The following ASTN2 variants were observed in gnomAD, a reference collection of about 807,000 sequenced individuals.
ASTN2 encodes astrotactin 2.
In ASTN2, 54 loss-of-function variants were observed where a neutral mutation model predicts 139.8. The observed-to-expected ratio is 0.39, with a 90% CI of 0.31 to 0.48. The LOEUF (loss-of-function observed/expected upper bound fraction) is 0.48. Among genes scored for constraint, ASTN2 ranks in the 20% least tolerant of loss-of-function variants. ASTN2 has a pLI of 0.95. For synonymous variants in ASTN2, 756 were observed against 719.5 expected (o/e 1.05, Z -0.81); for missense variants, 1,565 against 1,725.1 (o/e 0.91, Z 1.64).
chr9:116,932,046 G>C (rs961964426), intron 10 of ASTN2, among the ~76,000 whole-genome samples: 1 of 152,122 alleles, frequency 6.6e-6, no homozygotes, highest in African/African-American at 2.4e-5. Context: ...GTAGTAGAGT[G>C]TGAGTTTGAA....
At chr9:117,283,764 A>C (rs1408978988) in intron 2 of ASTN2, among the ~76,000 whole-genome samples, 1 of 152,198 alleles carries the variant, frequency 6.6e-6, no homozygotes. Context: ...TGGGAATCAC[A>C]GTCTGTAACA....
At chr9:117,000,875 T>G (rs1198697108) in intron 7 of ASTN2, among the ~76,000 whole-genome samples, 2 of 152,202 alleles carry the variant, frequency 1.3e-5, no homozygotes, top group Non-Finnish European at 2.9e-5. Context: ...ATTTTCAGGC[T>G]ATCAACATGC....
intron 16 of ASTN2, among the ~76,000 whole-genome samples, chr9:116,664,038 T>C (rs2131966779): frequency 6.6e-6 from 1 of 152,252 alleles, no homozygotes; most frequent in South Asian, 2.1e-4. Flanking sequence ...CTTCTGCCCA[T>C]TACATCACAG....
At chr9:116,926,964 AG>A (rs1834771785) in intron 10 of ASTN2, among the ~76,000 whole-genome samples, 1 of 152,236 alleles carries the variant, frequency 6.6e-6, no homozygotes, top group Non-Finnish European at 1.5e-5. Flanking sequence ...CAAAGATAAA[AG>A]CAAGAACAGT....
chr9:116,518,174 T>C (rs1256046905), intron 19 of ASTN2, among the ~76,000 whole-genome samples: 1 of 152,098 alleles, frequency 6.6e-6, no homozygotes, highest in Non-Finnish European at 1.5e-5. Flanking sequence ...GGAAATTCAT[T>C]GCAAAAAGAT....
intron 13 of ASTN2, among the ~76,000 whole-genome samples, chr9:116,742,624 A>G (rs1829123818): frequency 6.6e-6 from 1 of 152,134 alleles, no homozygotes; most frequent in African/African-American, 2.4e-5. Context: ...TCGCTCAACA[A>G]GCCAACAGGA....
chr9:117,264,697 G>T (rs1200329196), intron 2 of ASTN2, among the ~76,000 whole-genome samples: 1 of 152,186 alleles, frequency 6.6e-6, no homozygotes, highest in Non-Finnish European at 1.5e-5. Context: ...TACATCCAAA[G>T]TCAAACACAG....
chr9:116,737,610 C>CGTGTGTGTGTGTGTGT (rs57891581), intron 13 of ASTN2, among the ~76,000 whole-genome samples: 233 of 137,344 alleles, frequency 1.7e-3, no homozygotes, highest in Non-Finnish European at 2.8e-3. Flanking sequence ...CATGTGCCAA[C>CGTGTGTGTGTGTGTGT]GTGTGTGTGT....
intron 13 of ASTN2, among the ~76,000 whole-genome samples, chr9:116,790,971 GAAAGAAAGAAAGAAAGAAAGAAA>G (rs1830522886): frequency 6.1e-5 from 1 of 16,270 alleles, no homozygotes; most frequent in African/African-American, 1.6e-4. Context: ...AAGAAGGAAA[GAAAGAAAGAAAGAAAGAAAGAAA>G]GAAAGAAAGA....
chr9:116,665,207 A>C (rs1333147051), intron 16 of ASTN2, among the ~76,000 whole-genome samples: 1 of 152,112 alleles, frequency 6.6e-6, no homozygotes, highest in Non-Finnish European at 1.5e-5. Flanking sequence ...TTTCCTTATA[A>C]ATTACTCAGT....
intron 19 of ASTN2, among the ~76,000 whole-genome samples, chr9:116,549,989 A>G (rs1332272517): frequency 1.3e-5 from 2 of 152,192 alleles, no homozygotes; most frequent in Non-Finnish European, 2.9e-5. Flanking sequence ...AATGGAACCC[A>G]CAGGCATCTT....
At chr9:117,339,084 C>A (rs1828983178) in intron 1 of ASTN2, among the ~76,000 whole-genome samples, 1 of 152,048 alleles carries the variant, frequency 6.6e-6, no homozygotes, top group African/African-American at 2.4e-5. Flanking sequence ...TCAGGGCAAG[C>A]AGAGGTAATG....
At chr9:116,483,006 C>G (rs1285099814) in intron 20 of ASTN2, among the ~76,000 whole-genome samples, 1 of 152,220 alleles carries the variant, frequency 6.6e-6, no homozygotes. Flanking sequence ...AGGCTAATTA[C>G]CTTGGGTAAT....
At chr9:116,997,492 A>G (rs1447131380) in intron 7 of ASTN2, among the ~76,000 whole-genome samples, 1 of 152,110 alleles carries the variant, frequency 6.6e-6, no homozygotes, top group African/African-American at 2.4e-5. Context: ...TTTCAAGTCA[A>G]CTTATTCAGT....
intron 7 of ASTN2, among the ~76,000 whole-genome samples, chr9:116,994,367 G>A (rs898312142): frequency 6.6e-6 from 1 of 152,168 alleles, no homozygotes; most frequent in Admixed American, 6.5e-5. Flanking sequence ...ATTAGGTAAG[G>A]CAGTGGATCT....
chr9:116,791,729 C>A (rs181991632), intron 13 of ASTN2, among the ~76,000 whole-genome samples: 2 of 152,298 alleles, frequency 1.3e-5, no homozygotes, highest in South Asian at 2.1e-4. Flanking sequence ...GCCTGAGTTA[C>A]GGCCTGCATT....
chr9:117,292,099 C>A (rs531729837), intron 1 of ASTN2, among the ~76,000 whole-genome samples: 62 of 152,164 alleles, frequency 4.1e-4, no homozygotes, highest in African/African-American at 1.4e-3. Flanking sequence ...AAGGTATATA[C>A]TGCACTCCCA....
At chr9:116,867,965 G>C (rs748873433) in intron 10 of ASTN2, among the ~76,000 whole-genome samples, 7 of 152,182 alleles carry the variant, frequency 4.6e-5, no homozygotes, top group Non-Finnish European at 1.0e-4. Flanking sequence ...GCGGAGCCCA[G>C]GGTTTAGGGT....
chr9:117,203,428 G>A (rs937853007), intron 3 of ASTN2, among the ~76,000 whole-genome samples: 3 of 151,956 alleles, frequency 2.0e-5, no homozygotes, highest in African/African-American at 7.3e-5. Flanking sequence ...CTGCTCTTTT[G>A]GGTTTTTAGC....
Sources: allele counts gnomAD v4.1 joint callset (sites outside exome capture counted in the v4.1 genomes callset), GRCh38; gene constraint gnomAD v4.1.1; transcripts MANE v1.5; gene names NCBI Gene and HGNC (gene_info 2026-07-23, HGNC 2026-07-21).